The following ITPR1 variants were observed in gnomAD, a reference collection of about 807,000 sequenced individuals.
ITPR1 encodes inositol 1,4,5-trisphosphate-gated calcium channel ITPR1.
Under a neutral mutation model 318.4 loss-of-function variants are expected in ITPR1, and 96 were observed. The ratio of observed to expected loss-of-function variants is 0.30; its 90% CI spans 0.26 to 0.36. The LOEUF (loss-of-function observed/expected upper bound fraction) is 0.36, where lower values mean the gene tolerates loss of function less well. Among genes scored for constraint, ITPR1 ranks in the 10% least tolerant of loss-of-function variants. ITPR1 has a pLI of 1.00. For missense variants in ITPR1, 2,440 were observed against 3,460.2 expected, an observed-to-expected ratio of 0.71 and a Z score of 7.40; for synonymous variants, 1,312 against 1,289.9, an observed-to-expected ratio of 1.02 and a Z score of -0.37.
intron 13 of ITPR1, among the ~76,000 whole-genome samples, 195 bp from the exon 14 acceptor site, chr3:4,660,793 T>C (rs1450146791): frequency 6.6e-6 from 1 of 152,228 alleles, no homozygotes; most frequent in Non-Finnish European, 1.5e-5. Flanking sequence ...AGAGTCGTTA[T>C]GAATGATTTT....
rs763562480 is a variant in ITPR1 at position 4,800,533 on chromosome 3, C to T, written c.7040C>T (p.Ser2347Phe). 1 of 1,614,038 alleles carries T rather than the reference C, an allele frequency of 6.2e-7. No homozygotes were observed. The highest frequency in any genetic ancestry group is 1.1e-5 in the South Asian group (1 of 91,080). ...KPHGIRALIA[S>F]TILRLIFSVG... ...CATGGCATCCGGGCCTTAATTGCCTCCACAATTCTACGACTGATATTTTCA... is the reference window on the plus strand; with the variant it reads ...CATGGCATCCGGGCCTTAATTGCCTTCACAATTCTACGACTGATATTTTCA... Residue 2347 changes from serine (S) to phenylalanine (F), a missense_variant, in exon 54 of 62, where the codon TCC becomes TTC. By Grantham distance (155) the Ser-to-Phe change is radical. Transcript: ENST00000649015.
intron 61 of ITPR1, among the ~76,000 whole-genome samples, chr3:4,838,086 T>C (rs1469947525): frequency 2.0e-5 from 3 of 152,168 alleles, no homozygotes; most frequent in Non-Finnish European, 2.9e-5. Context: ...ATCATCATAC[T>C]TAGATTTATA....
intron 46 of ITPR1, among the ~76,000 whole-genome samples, chr3:4,770,191 A>G (rs1184106423): frequency 6.6e-6 from 1 of 152,156 alleles, no homozygotes; most frequent in East Asian, 1.9e-4. Context: ...TACCTGGCTG[A>G]CCTTATCCCC....
At chr3:4,592,884 A>G (rs918963688) in intron 4 of ITPR1, among the ~76,000 whole-genome samples, 4 of 152,024 alleles carry the variant, frequency 2.6e-5, no homozygotes, top group African/African-American at 9.7e-5. Context: ...AAATACAGGG[A>G]CTCTGAGTGG....
At chr3:4,629,650 A>T (rs1356783981) in intron 5 of ITPR1, among the ~76,000 whole-genome samples, 2 of 152,266 alleles carry the variant, frequency 1.3e-5, no homozygotes, top group African/African-American at 4.8e-5. Flanking sequence ...AGATAGAAGT[A>T]TAACAGTCTT....
intron 42 of ITPR1, among the ~76,000 whole-genome samples, chr3:4,731,173 C>T (rs544789406): frequency 6.6e-6 from 1 of 152,308 alleles, no homozygotes; most frequent in Admixed American, 6.5e-5. Flanking sequence ...AGCTTTCAAA[C>T]TTGTACTTCT....
intron 4 of ITPR1, among the ~76,000 whole-genome samples, chr3:4,524,935 T>C (rs2124936705): frequency 6.6e-6 from 1 of 152,322 alleles, no homozygotes; most frequent in Admixed American, 6.5e-5. Context: ...AGAAGATTAA[T>C]TGTGTGTTAA....
At chr3:4,676,464 A>C in intron 23 of ITPR1, 150 bp from the exon 24 acceptor site, 1 of 594,532 alleles carries the variant, frequency 1.7e-6, no homozygotes, top group Non-Finnish European at 2.9e-6. Flanking sequence ...TTTGATGTGC[A>C]TTTACCTTTC....
At chr3:4,517,484 G>A (rs1180702510) in intron 3 of ITPR1, among the ~76,000 whole-genome samples, 1 of 152,188 alleles carries the variant, frequency 6.6e-6, no homozygotes, top group Non-Finnish European at 1.5e-5. Flanking sequence ...TTTAAAGCAT[G>A]CTTGTTTCCT....
rs1476037446 is a variant in ITPR1, at chr3:4,846,298, T to G, written c.*73T>G. The G allele has an allele frequency of 8.1e-6, 8 of 992,132 alleles. No homozygotes were observed. The highest frequency in any genetic ancestry group is 2.6e-5 in the East Asian group (1 of 38,088). The allele number at this position is 992,132 out of a possible 1,614,324, so 61.5% of individuals were successfully genotyped here. A position where few individuals can be genotyped will look rare whatever the true frequency, so the allele number is the denominator to read the frequency against. ...TGTGGGTATGGCTAATGAGTTCTGA[T>G]TCACCCACGAAGGTTACATTTATGC... On this transcript the variant is annotated 3_prime_UTR_variant, in exon 62 of 62. Coordinates refer to ENST00000649015, the MANE Select transcript of ITPR1 (RefSeq NM_001378452.1).
intron 19 of ITPR1, 59 bp downstream of exon 19, chr3:4,669,832 A>T: frequency 6.7e-7 from 1 of 1,484,546 alleles, no homozygotes; most frequent in Non-Finnish European, 9.0e-7. Context: ...GTTGGTGCTC[A>T]TGAGGAATAA....
chr3:4,575,945 G>A (rs957605314), intron 4 of ITPR1, among the ~76,000 whole-genome samples: 50 of 151,760 alleles, frequency 3.3e-4, no homozygotes, highest in Non-Finnish European at 5.7e-4. Context: ...GCTTGGGCCC[G>A]GGAGGTCGAG....
chr3:4,546,969 G>C (rs2085079742), intron 4 of ITPR1, among the ~76,000 whole-genome samples: 1 of 152,138 alleles, frequency 6.6e-6, no homozygotes, highest in Non-Finnish European at 1.5e-5. Flanking sequence ...CCCAGTCTTT[G>C]GTTTGTCCCT....
At chr3:4,568,807 G>T (rs2087670240) in intron 4 of ITPR1, among the ~76,000 whole-genome samples, 1 of 152,160 alleles carries the variant, frequency 6.6e-6, no homozygotes, top group Non-Finnish European at 1.5e-5. Context: ...TTCTTGCATT[G>T]CTATAAAGAA....
At chr3:4,617,403 AG>A (rs2125110024) in intron 4 of ITPR1, among the ~76,000 whole-genome samples, 1 of 151,938 alleles carries the variant, frequency 6.6e-6, no homozygotes, top group South Asian at 2.1e-4. Flanking sequence ...TGTGGAGGGG[AG>A]GATGGCTGTT....
intron 31 of ITPR1, 35 bp from the exon 32 acceptor site, chr3:4,691,109 T>G: frequency 4.7e-6 from 7 of 1,479,674 alleles, no homozygotes; most frequent in Non-Finnish European, 6.5e-6. Flanking sequence ...GCTTTTTGAC[T>G]TGTCCCTGTG....
chr3:4,767,904 G>C (rs989587841), intron 45 of ITPR1, among the ~76,000 whole-genome samples: 3 of 152,160 alleles, frequency 2.0e-5, no homozygotes, highest in African/African-American at 7.2e-5. Context: ...ACAGATGAGG[G>C]GACTGGGGCA....
chr3:4,541,750 C>G (rs1489146052), intron 4 of ITPR1, among the ~76,000 whole-genome samples: 2 of 152,100 alleles, frequency 1.3e-5, no homozygotes, highest in Admixed American at 6.5e-5. Flanking sequence ...CTCAGCCTCC[C>G]GAGTAGCTGG....
chr3:4,841,095 G>A (rs866766740), intron 61 of ITPR1, among the ~76,000 whole-genome samples: 17 of 152,100 alleles, frequency 1.1e-4, no homozygotes, highest in Non-Finnish European at 1.6e-4. Flanking sequence ...AATATTAAAC[G>A]ACCCGTACTG....
Sources: gnomAD v4.1 joint callset for allele counts (sites outside exome capture counted in the v4.1 genomes callset) on GRCh38, gnomAD v4.1.1 for gene constraint, MANE v1.5 for transcripts, NCBI Gene and HGNC (gene_info 2026-07-23, HGNC 2026-07-21) for gene names.